Variants in MCPH1 observed in about 807,000 individuals in gnomAD.
MCPH1 encodes the protein microcephalin 1.
Under a neutral mutation model 84.5 loss-of-function variants are expected in MCPH1, and 104 were observed. The ratio of observed to expected loss-of-function variants is 1.23; its 90% CI spans 1.05 to 1.45. The LOEUF is 1.45. Ranked by LOEUF, MCPH1 falls within the 40% of genes most tolerant of loss-of-function variation. The pLI is 0.00. For synonymous variants in MCPH1, 514 were observed against 366.8 expected (o/e 1.40, Z -4.58); for missense variants, 1,498 against 1,005.7 (o/e 1.49, Z -6.62).
chr8:6,646,989 G>A lies in MCPH1; in HGVS notation c.*3940G>A, dbSNP rs1469568875. On this transcript the variant is annotated 3_prime_UTR_variant, in exon 14 of 14. Transcript: ENST00000344683. ...AAATTTTAAGTTTTGCTCTTCTGAAGAAACCATTAAAAAAAAATGAAAAGA... is the reference window on the plus strand; with the variant it reads ...AAATTTTAAGTTTTGCTCTTCTGAAAAAACCATTAAAAAAAAATGAAAAGA... 1 of 150,838 alleles carries A rather than the reference G, an allele frequency of 6.6e-6. No individual in the cohort carries two copies. Among genetic ancestry groups the A allele is most frequent in the Non-Finnish European group, 1.5e-5 (1 of 67,770 alleles). The allele number at this position is 150,838 out of a possible 1,614,324, so 9.3% of individuals were successfully genotyped here.
chr8:6,636,767 T>G (rs1209125790), intron 13 of MCPH1, among the ~76,000 whole-genome samples: 1 of 152,156 alleles, frequency 6.6e-6, no homozygotes, highest in Non-Finnish European at 1.5e-5. Context: ...ATCTTCAAGA[T>G]CTCTCATTGT....
At chr8:6,635,834 C>G (rs1204109137) in intron 13 of MCPH1, among the ~76,000 whole-genome samples, 2 of 152,182 alleles carry the variant, frequency 1.3e-5, no homozygotes, top group Non-Finnish European at 2.9e-5. Flanking sequence ...TGAATCAAAG[C>G]ACAGCATGGT....
intron 8 of MCPH1, among the ~76,000 whole-genome samples, chr8:6,447,957 G>C (rs1336361342): frequency 6.6e-6 from 1 of 151,936 alleles, no homozygotes; most frequent in Non-Finnish European, 1.5e-5. Context: ...TTGTAACAAA[G>C]ATTGCTAAGA....
intron 12 of MCPH1, among the ~76,000 whole-genome samples, chr8:6,576,850 G>A (rs1228117321): frequency 6.6e-6 from 1 of 151,840 alleles, no homozygotes; most frequent in East Asian, 1.9e-4. Flanking sequence ...ACAGGCGTCA[G>A]CCACAGTGCC....
chr8:6,480,462 G>A (rs1250770361), intron 10 of MCPH1, among the ~76,000 whole-genome samples: 3 of 152,182 alleles, frequency 2.0e-5, no homozygotes, highest in South Asian at 2.1e-4. Flanking sequence ...ACCCAGCCCA[G>A]CCACTGTGGG....
chr8:6,431,879 T>C (rs1370015716), intron 4 of MCPH1, among the ~76,000 whole-genome samples: 3 of 152,220 alleles, frequency 2.0e-5, no homozygotes, highest in African/African-American at 7.2e-5. Context: ...TACTTCAGAA[T>C]GAAGTTTGTT....
intron 3 of MCPH1, among the ~76,000 whole-genome samples, chr8:6,415,754 A>T (rs1372259144): frequency 6.6e-6 from 1 of 152,104 alleles, no homozygotes; most frequent in East Asian, 1.9e-4. Flanking sequence ...GGCTATTTTG[A>T]TTTGAGTTCC....
chr8:6,609,828 C>CCACCCCA (rs1554476436), intron 12 of MCPH1, among the ~76,000 whole-genome samples: 3 of 108,744 alleles, frequency 2.8e-5, no homozygotes, highest in Non-Finnish European at 4.4e-5. Flanking sequence ...CGCCCCCCCC[C>CCACCCCA]CACACACAGA....
chr8:6,422,603 A>G (rs900880778), intron 3 of MCPH1, among the ~76,000 whole-genome samples: 1 of 151,728 alleles, frequency 6.6e-6, no homozygotes, highest in Non-Finnish European at 1.5e-5. Flanking sequence ...CTCTCTCTCT[A>G]TTTCTGCCCA....
intron 12 of MCPH1, among the ~76,000 whole-genome samples, chr8:6,548,433 A>G (rs1823002377): frequency 2.6e-5 from 4 of 152,166 alleles, no homozygotes; most frequent in Admixed American, 2.0e-4. Context: ...CCTCATCTCA[A>G]CCATTATCCC....
intron 12 of MCPH1, among the ~76,000 whole-genome samples, chr8:6,573,988 A>G (rs932779905): frequency 1.3e-5 from 2 of 152,250 alleles, no homozygotes; most frequent in African/African-American, 4.8e-5. Context: ...ATGCACTTTC[A>G]TCATGGGTCT....
intron 4 of MCPH1, among the ~76,000 whole-genome samples, chr8:6,432,586 G>A (rs933312441): frequency 2.6e-5 from 4 of 152,206 alleles, no homozygotes; most frequent in African/African-American, 9.7e-5. Context: ...ATCACAGCCA[G>A]CTTGTTTTCA....
chr8:6,503,271 T>G, intron 12 of MCPH1: 1 of 1,613,952 alleles, frequency 6.2e-7, no homozygotes, highest in Non-Finnish European at 8.5e-7. Flanking sequence ...CCTGTGAAAG[T>G]AAAACACAGA....
At chr8:6,579,920 T>G (rs1409114570) in intron 12 of MCPH1, among the ~76,000 whole-genome samples, 1 of 152,190 alleles carries the variant, frequency 6.6e-6, no homozygotes, top group Non-Finnish European at 1.5e-5. Context: ...GGTGTTACTT[T>G]GACCACCATT....
At chr8:6,631,765 G>C (rs547614891) in intron 13 of MCPH1, among the ~76,000 whole-genome samples, 1 of 152,088 alleles carries the variant, frequency 6.6e-6, no homozygotes, top group African/African-American at 2.4e-5. Flanking sequence ...AGCCACGATA[G>C]AAAACAGTGT....
intron 12 of MCPH1, among the ~76,000 whole-genome samples, chr8:6,604,906 G>A (rs1829642817): frequency 6.6e-6 from 1 of 152,238 alleles, no homozygotes; most frequent in Non-Finnish European, 1.5e-5. Flanking sequence ...CTCTAAGTAA[G>A]GAGGAGTAAG....
chr8:6,409,830 T>G (rs1798287297), intron 2 of MCPH1, among the ~76,000 whole-genome samples: 1 of 152,194 alleles, frequency 6.6e-6, no homozygotes, highest in African/African-American at 2.4e-5. Context: ...TCGTCCCATG[T>G]CAGGCATGGT....
chr8:6,564,397 C>T (rs996889969), intron 12 of MCPH1, among the ~76,000 whole-genome samples: 1 of 152,192 alleles, frequency 6.6e-6, no homozygotes, highest in Admixed American at 6.5e-5. Flanking sequence ...TTTAATTAAG[C>T]TCTAATGTCC....
chr8:6,634,867 A>T (rs1263816477), intron 13 of MCPH1: 1 of 152,218 alleles, frequency 6.6e-6, no homozygotes, highest in Non-Finnish European at 1.5e-5. Context: ...ATGAAAAGTA[A>T]ATATAAAAAC....
Sources: gnomAD v4.1 joint callset for allele counts (sites outside exome capture counted in the v4.1 genomes callset) on GRCh38, gnomAD v4.1.1 for gene constraint, MANE v1.5 for transcripts, NCBI Gene and HGNC (gene_info 2026-07-23, HGNC 2026-07-21) for gene names.